ARHGEF10: variants seen among roughly 807,000 people sequenced by gnomAD.
The protein encoded by ARHGEF10 is Rho guanine nucleotide exchange factor 10.
In ARHGEF10, 140 loss-of-function variants were observed where a neutral mutation model predicts 147.4. That is an observed-to-expected ratio of 0.95 (90% CI 0.83 to 1.09). ARHGEF10 has a LOEUF of 1.09. ARHGEF10 is among the 50% of genes least tolerant of loss of function. ARHGEF10 has a pLI of 0.00. For missense variants in ARHGEF10, 2,222 were observed against 1,752.7 expected (o/e 1.27, Z -4.78); for synonymous variants, 902 against 695.8 (o/e 1.30, Z -4.67).
At position 1,851,726 on chromosome 8, in the gene ARHGEF10, A is replaced by C. The variant is rs112035826; in HGVS notation, c.38-6234A>C. Among the ~76,000 whole-genome samples, 670 of 152,246 alleles carry C rather than the reference A, an allele frequency of 4.4e-3. 5 individuals carry two copies. The highest frequency in any genetic ancestry group is 0.015 in the African/African-American group (643 of 41,550). ...TCAGGAGTTTGAGACCAGCCTGGGC[A>C]ACATAGTGCCACCTCGTCTCTATTA... On this transcript the variant is annotated intron_variant, in intron 2 of 28. Transcript: ENST00000349830.
At chr8:1,835,122 A>G (rs1807246) in intron 1 of ARHGEF10, among the ~76,000 whole-genome samples, 90,278 of 152,174 alleles carry the variant, frequency 0.59, 27,098 homozygotes, top group Middle Eastern at 0.72. Flanking sequence ...TCTGTGGCGC[A>G]GACACAGGAT....
rs1489819525 is a variant in ARHGEF10 at position 1,903,285 on chromosome 8, T to C, written c.1655T>C (p.Met552Thr). The change falls in exon 16 of 29, where the codon ATG becomes ACG. Residue 552 changes from methionine (M) to threonine (T), a missense_variant. Met to Thr is a moderately conservative substitution (Grantham distance 81). Transcript: ENST00000349830. ...CCTCTCCCCTGTTGCTTGTAGGACA[T>C]GCTGAAGAACACCTCCAAAGGCCAC... is the stretch of plus-strand genomic sequence containing the variant. ...FPQFILLLQDMLKNTSKGHPD... is the reference protein window; with the variant it reads ...FPQFILLLQDTLKNTSKGHPD... The C allele has an allele frequency of 6.2e-7, 1 of 1,613,978 alleles. No individual in the cohort carries two copies. Among genetic ancestry groups the C allele is most frequent in the Non-Finnish European group, 8.5e-7 (1 of 1,180,036 alleles).
In ARHGEF10 at chr8:1,897,388, C is replaced by T. The variant is rs946462871; in HGVS notation, c.1557+939C>T. 2.0e-4 allele frequency among the ~76,000 whole-genome samples: 30 copies of T among 149,574 alleles called. No homozygotes were observed. In the East Asian group the frequency reaches 4.9e-3, roughly 24 times the overall value. ...TGAGCTCTGTCCTAAGGGATCGGAT[C>T]GCAGTTCCCCCTCTGGACAGCTGTG... On this transcript the variant is annotated intron_variant, in intron 14 of 28. Coordinates refer to ENST00000349830, the MANE Select transcript of ARHGEF10 (RefSeq NM_014629.4).
At chr8:1,866,504 T>G in intron 5 of ARHGEF10, 22 bp from the exon 6 acceptor site, 1 of 1,612,104 alleles carries the variant, frequency 6.2e-7, no homozygotes. Flanking sequence ...ATATTCTGAC[T>G]TTATGGTTTG....
intron 18 of ARHGEF10, among the ~76,000 whole-genome samples, chr8:1,920,533 G>A (rs936952482): frequency 4.6e-5 from 7 of 151,782 alleles, no homozygotes; most frequent in Non-Finnish European, 1.0e-4. Flanking sequence ...AAACTATGTT[G>A]CCCAGGCTGG....
chr8:1,935,929 G>C (rs1330320421), intron 26 of ARHGEF10, among the ~76,000 whole-genome samples: 2 of 152,244 alleles, frequency 1.3e-5, no homozygotes, highest in South Asian at 4.1e-4. Flanking sequence ...CTCACTCCGA[G>C]GGAGGCTGTG....
rs1464205512 is a variant in ARHGEF10 at position 1,833,322 on chromosome 8, G to GGAAGGCAGAGA, written c.-48+9211_-48+9212insAGGCAGAGAGA. Among the ~76,000 whole-genome samples the GGAAGGCAGAGA allele has an allele frequency of 2.7e-5, 3 of 109,480 alleles. No homozygotes were observed. In the East Asian group the frequency reaches 9.5e-4, roughly 35 times the overall value. 71.8% of individuals were successfully genotyped at this position (109,480 alleles called of 152,430 possible). ...GACAGAGGCAGAGACAGAAGCAGAG[G>GGAAGGCAGAGA]GAGACAGAGACAGAGGCAGAGACAG... On this transcript the variant is annotated intron_variant, in intron 1 of 28. Transcript: ENST00000349830.
Position 1,933,819 on chromosome 8 carries a change from A to C in ARHGEF10, c.3099A>C (p.Glu1033Asp). 1.2e-6 allele frequency: 2 copies of C among 1,614,204 alleles called. No individual in the cohort carries two copies. Among genetic ancestry groups the C allele is most frequent in the Non-Finnish European group, 1.7e-6 (2 of 1,180,028 alleles). The change falls in exon 26 of 29, where the codon GAA becomes GAC. Residue 1033 changes from glutamate (E) to aspartate (D), a missense_variant. Glu to Asp is a conservative substitution (Grantham distance 45). Transcript: ENST00000349830. ...ARAPDGSWDS[E>D]PQKVIKLGVL... is the part of the protein sequence containing the mutation. ...TTTAAGATGGATCCTGGGATTCAGA[A>C]CCTCAAAAAGTGATCAAGTTAGGCG...
intron 1 of ARHGEF10, among the ~76,000 whole-genome samples, chr8:1,836,098 G>T (rs528804308): frequency 6.6e-6 from 1 of 151,724 alleles, no homozygotes; most frequent in East Asian, 1.9e-4. Flanking sequence ...GGAGAATGGC[G>T]TGAACCCGGG....
At position 1,896,429 on chromosome 8, in the gene ARHGEF10, G is replaced by T. The variant is rs544033474; in HGVS notation, c.1537G>T (p.Ala513Ser). 6.2e-7 allele frequency: 1 copy of T among 1,613,106 alleles called. No individual in the cohort carries two copies. The highest frequency in any genetic ancestry group is 8.5e-7 in the Non-Finnish European group (1 of 1,179,712). The change falls in exon 14 of 29, where the codon GCT (alanine) becomes TCT (serine). Residue 513 changes from alanine to serine, a missense_variant. Coordinates refer to ENST00000349830, the MANE Select transcript of ARHGEF10 (RefSeq NM_014629.4). ...CAAGAAAACATGTGCCACAAAGCCC[G>T]CTTTTCTTGAATTTTTAAAGGTAAG... ...VLKKTCATKPAFLEFLKQEQE... is the reference protein window; with the variant it reads ...VLKKTCATKPSFLEFLKQEQE...
chr8:1,949,608 G>A (rs1018282162), intron 27 of ARHGEF10, among the ~76,000 whole-genome samples: 25 of 152,042 alleles, frequency 1.6e-4, no homozygotes, highest in African/African-American at 5.8e-4. Flanking sequence ...AGTCTCCACC[G>A]AGCGAATACA....
At chr8:1,884,375 G>A (rs1425987217) in intron 10 of ARHGEF10, among the ~76,000 whole-genome samples, 36 of 147,488 alleles carry the variant, frequency 2.4e-4, no homozygotes, top group Admixed American at 2.0e-4. Context: ...CAGCCTGGGC[G>A]ACAGAGCAAG....
intron 1 of ARHGEF10, 87 bp from the exon 2 acceptor site, chr8:1,843,266 G>A: frequency 1.1e-6 from 1 of 951,424 alleles, no homozygotes; most frequent in East Asian, 2.6e-5. Flanking sequence ...CTTCCTTTTT[G>A]CGGGGTTCTC....
At chr8:1,939,264 T>G (rs1011117918) in intron 26 of ARHGEF10, among the ~76,000 whole-genome samples, 25 of 152,238 alleles carry the variant, frequency 1.6e-4, no homozygotes, top group Admixed American at 1.6e-3. Flanking sequence ...GGAGAAGCCA[T>G]GCCCAACATC....
chr8:1,921,133 T>C (rs1017282518), intron 18 of ARHGEF10, among the ~76,000 whole-genome samples: 1 of 152,220 alleles, frequency 6.6e-6, no homozygotes, highest in Non-Finnish European at 1.5e-5. Flanking sequence ...CAGTTAGTAA[T>C]TGCATTTGTC....
chr8:1,855,008 C>G (rs76961639), intron 2 of ARHGEF10, among the ~76,000 whole-genome samples: 5 of 152,080 alleles, frequency 3.3e-5, no homozygotes, highest in Admixed American at 6.5e-5. Context: ...GTGGAGGGGC[C>G]TCGGTGTCTC....
At chr8:1,839,929 ACTGT>A (rs1803877651) in intron 1 of ARHGEF10, among the ~76,000 whole-genome samples, 1 of 90,360 alleles carries the variant, frequency 1.1e-5, no homozygotes, top group Non-Finnish European at 2.2e-5. Context: ...CGGTGTGGGG[ACTGT>A]CTGGTGTGGG....
At chr8:1,916,202 C>T (rs1811750381) in intron 18 of ARHGEF10, among the ~76,000 whole-genome samples, 1 of 152,092 alleles carries the variant, frequency 6.6e-6, no homozygotes, top group Non-Finnish European at 1.5e-5. Context: ...CTCTCTGTGT[C>T]CTAAGTGCAG....
intron 6 of ARHGEF10, among the ~76,000 whole-genome samples, chr8:1,867,700 G>GT (rs1033491153): frequency 1.3e-4 from 20 of 152,014 alleles, no homozygotes; most frequent in East Asian, 5.8e-4. Flanking sequence ...AGATTTACTT[G>GT]TTTTTTTTAA....
Sources: allele counts gnomAD v4.1 joint callset (sites outside exome capture counted in the v4.1 genomes callset), GRCh38; gene constraint gnomAD v4.1.1; transcripts MANE v1.5; gene names NCBI Gene and HGNC (gene_info 2026-07-23, HGNC 2026-07-21).